NRG1: variants seen among roughly 807,000 people sequenced by gnomAD.
NRG1 encodes the protein pro-neuregulin-1, membrane-bound isoform.
NRG1 carries 18 observed loss-of-function variants against 63.8 expected under a neutral mutation model. That is an observed-to-expected ratio of 0.28 (90% confidence interval 0.19 to 0.42). The LOEUF is 0.42. NRG1 is among the 10% of genes least tolerant of loss of function. The pLI is 1.00. For synonymous variants in NRG1, 302 were observed against 301.3 expected (o/e 1.00, Z -0.02); for missense variants, 762 against 814.7 (o/e 0.94, Z 0.79).
chr8:32,469,745 A>G (rs1823533543), intron 1 of NRG1, among the ~76,000 whole-genome samples: 1 of 152,208 alleles, frequency 6.6e-6, no homozygotes, highest in African/African-American at 2.4e-5. Flanking sequence ...TGCTAAGGAA[A>G]GTCAGAGGAA....
At chr8:32,331,637 G>T (rs1004430379) in intron 1 of NRG1, among the ~76,000 whole-genome samples, 6 of 152,160 alleles carry the variant, frequency 3.9e-5, no homozygotes, top group African/African-American at 4.8e-5. Flanking sequence ...AAAATCATAT[G>T]CCCTGGGGAT....
At chr8:32,756,560 G>C in intron 9 of NRG1, 31 bp downstream of exon 9, 3 of 1,591,630 alleles carry the variant, frequency 1.9e-6, no homozygotes, top group Non-Finnish European at 2.6e-6. Flanking sequence ...GGAAAAAACT[G>C]AGCCTCTCTC....
At chr8:32,261,617 T>C (rs1164507699) in intron 1 of NRG1, among the ~76,000 whole-genome samples, 1 of 152,090 alleles carries the variant, frequency 6.6e-6, no homozygotes, top group African/African-American at 2.4e-5. Flanking sequence ...CCACCCAAAA[T>C]CTATTGAATC....
At chr8:32,748,042 G>C (rs1013706400) in intron 7 of NRG1, among the ~76,000 whole-genome samples, 1 of 151,926 alleles carries the variant, frequency 6.6e-6, no homozygotes, top group East Asian at 1.9e-4. Flanking sequence ...TCACTAAAAA[G>C]TTCCACGGCA....
downstream of NRG1, among the ~76,000 whole-genome samples, chr8:32,771,212 G>A (rs1430337834): frequency 6.6e-6 from 1 of 151,050 alleles, no homozygotes. Context: ...CTGAGCTCAA[G>A]TGATCCTCCC....
intron 1 of NRG1, among the ~76,000 whole-genome samples, chr8:32,350,894 G>C (rs998877056): frequency 6.6e-6 from 1 of 152,002 alleles, no homozygotes; most frequent in Admixed American, 6.6e-5. Flanking sequence ...CGGTGTCCAC[G>C]CCCCACTCAG....
chr8:32,021,800 G>A (rs1816490339), intron 1 of NRG1, among the ~76,000 whole-genome samples: 1 of 152,084 alleles, frequency 6.6e-6, no homozygotes, highest in Non-Finnish European at 1.5e-5. Flanking sequence ...AAAATAGAAT[G>A]CAAATTAATA....
intron 1 of NRG1, among the ~76,000 whole-genome samples, chr8:31,780,517 A>G (rs1563393703): frequency 1.3e-5 from 2 of 152,228 alleles, no homozygotes; most frequent in Admixed American, 6.5e-5. Flanking sequence ...CTGTGGCACA[A>G]ATAGAAATAT....
At chr8:32,495,103 A>T (rs1221194599) in intron 1 of NRG1, among the ~76,000 whole-genome samples, 1 of 152,216 alleles carries the variant, frequency 6.6e-6, no homozygotes, top group African/African-American at 2.4e-5. Context: ...GGGTAATACT[A>T]ATAATTACAG....
intron 1 of NRG1, among the ~76,000 whole-genome samples, chr8:32,405,091 C>A (rs574467608): frequency 6.6e-6 from 1 of 152,314 alleles, no homozygotes; most frequent in Non-Finnish European, 1.5e-5. Context: ...CCATACAGAT[C>A]TGAATTTGCC....
intron 1 of NRG1, among the ~76,000 whole-genome samples, chr8:32,303,995 A>C (rs949793843): frequency 2.0e-5 from 3 of 152,248 alleles, no homozygotes; most frequent in Admixed American, 6.5e-5. Flanking sequence ...CTGAACTGTG[A>C]AATTTTGTTA....
rs1476847614 is a variant in NRG1, at chr8:31,853,974, G to A, written c.37+214543G>A. Among the ~76,000 whole-genome samples, 612 of 148,944 alleles carry A rather than the reference G, an allele frequency of 4.1e-3. 4 individuals are homozygous for A. Among genetic ancestry groups the A allele is most frequent in the Non-Finnish European group, 6.9e-3 (460 of 66,796 alleles). ...CCAGGGATGAAGCCCACTTGATCAT[G>A]GTGGATAAGCTTTTTGATGTGCTGC... On this transcript the variant is annotated intron_variant, in intron 1 of 10. Transcript: ENST00000519301.
downstream of NRG1, among the ~76,000 whole-genome samples, chr8:32,768,260 C>T (rs545665912): frequency 2.0e-5 from 3 of 152,336 alleles, no homozygotes; most frequent in South Asian, 6.2e-4. Context: ...GGCATGACTG[C>T]CTGGATCCTG....
At chr8:31,822,496 A>G (rs779914814) in intron 1 of NRG1, among the ~76,000 whole-genome samples, 1 of 152,174 alleles carries the variant, frequency 6.6e-6, no homozygotes, top group Non-Finnish European at 1.5e-5. Context: ...CCTGATGCCT[A>G]TAGGTTGAGG....
chr8:31,718,853 A>G (rs550165640), intron 1 of NRG1, among the ~76,000 whole-genome samples: 1 of 152,340 alleles, frequency 6.6e-6, no homozygotes, highest in South Asian at 2.1e-4. Flanking sequence ...ATTTGTTTAT[A>G]TTGTAGGTTC....
chr8:32,153,761 A>G (rs1837756982), intron 1 of NRG1, among the ~76,000 whole-genome samples: 1 of 152,208 alleles, frequency 6.6e-6, no homozygotes, highest in African/African-American at 2.4e-5. Flanking sequence ...ATCTGTGGGC[A>G]CACTAGGGAT....
intron 1 of NRG1, among the ~76,000 whole-genome samples, chr8:32,051,836 A>C (rs1822028221): frequency 6.6e-6 from 1 of 152,162 alleles, no homozygotes; most frequent in African/African-American, 2.4e-5. Context: ...CCTACTACAT[A>C]GTTTTGACTT....
At chr8:32,608,092 GTTTTTTTTTTTTTTGTTTTT>G (rs1243415015) in intron 3 of NRG1, among the ~76,000 whole-genome samples, 1 of 106,158 alleles carries the variant, frequency 9.4e-6, no homozygotes, top group South Asian at 3.2e-4. Context: ...GGTTTTTTTT[GTTTTTTTTTTTTTTGTTTTT>G]TTTTTTTTTT....
chr8:31,804,695 A>T (rs1182631578), intron 1 of NRG1, among the ~76,000 whole-genome samples: 2 of 152,168 alleles, frequency 1.3e-5, no homozygotes, highest in Admixed American at 6.5e-5. Context: ...TTTTTCTTCT[A>T]TGGAAAGCCT....
Sources: allele counts gnomAD v4.1 joint callset (sites outside exome capture counted in the v4.1 genomes callset), GRCh38; gene constraint gnomAD v4.1.1; transcripts MANE v1.5; gene names NCBI Gene and HGNC (gene_info 2026-07-23, HGNC 2026-07-21).